The following MAGI1 variants were observed in gnomAD, a reference collection of about 807,000 sequenced individuals.
The protein encoded by MAGI1 is membrane-associated guanylate kinase, WW and PDZ domain-containing protein 1.
Under a neutral mutation model 139.9 loss-of-function variants are expected in MAGI1, and 58 were observed. The observed-to-expected ratio is 0.41, with a 90% CI of 0.34 to 0.52. The LOEUF (loss-of-function observed/expected upper bound fraction) is 0.52. Ranked by LOEUF, MAGI1 falls within the 20% of genes least tolerant of loss-of-function variation. The pLI is 0.12. For synonymous variants in MAGI1, 812 were observed against 737.9 expected (o/e 1.10, Z -1.63); for missense variants, 1,874 against 1,901.6 (o/e 0.99, Z 0.27).
intron 7 of MAGI1, among the ~76,000 whole-genome samples, chr3:65,445,808 T>C (rs1168902848): frequency 6.6e-6 from 1 of 152,190 alleles, no homozygotes; most frequent in African/African-American, 2.4e-5. Context: ...CTGTGTCCAA[T>C]ACCCAAGCCA....
At chr3:65,701,758 G>C (rs1329553837) in intron 1 of MAGI1, among the ~76,000 whole-genome samples, 1 of 151,906 alleles carries the variant, frequency 6.6e-6, no homozygotes, top group Non-Finnish European at 1.5e-5. Context: ...TTTCTTCCTT[G>C]ATGCTCAGAA....
chr3:65,412,735 C>T (rs1235794867), intron 12 of MAGI1, among the ~76,000 whole-genome samples: 1 of 152,084 alleles, frequency 6.6e-6, no homozygotes, highest in African/African-American at 2.4e-5. Context: ...GCTCTTGATC[C>T]TTGGTCTGTT....
In MAGI1 at chr3:65,926,832, C is replaced by T. The variant is rs377504255; in HGVS notation, c.313+111164G>A. On this transcript the variant is annotated intron_variant, in intron 1 of 22. Coordinates refer to ENST00000402939, the MANE Select transcript of MAGI1 (RefSeq NM_001033057.2). ...CAACATGGTGTAACCCCCATCTCTA[C>T]TAAAAGTACAAAATTTGCTGGGCGC... is the stretch of plus-strand genomic sequence containing the variant. Among the ~76,000 whole-genome samples, 32 of 152,246 alleles carry T rather than the reference C, an allele frequency of 2.1e-4. No individual in the cohort carries two copies. The South Asian group carries it at 3.1e-3, about 15-fold the overall frequency.
intron 1 of MAGI1, among the ~76,000 whole-genome samples, chr3:65,802,848 C>CTCTG (rs1553709734): frequency 4.3e-5 from 6 of 138,134 alleles, no homozygotes; most frequent in African/African-American, 2.7e-5. Context: ...ATCATCTCAT[C>CTCTG]TGTGTGTGTG....
chr3:65,363,324 G>C, intron 21 of MAGI1, 141 bp downstream of exon 21: 2 of 993,132 alleles, frequency 2.0e-6, no homozygotes, highest in Non-Finnish European at 1.4e-6. Flanking sequence ...TATTTGGTAG[G>C]GTAGGAGTCA....
At chr3:65,690,771 G>GCCTCCCAATGTGCT (rs1559790310) in intron 1 of MAGI1, among the ~76,000 whole-genome samples, 6 of 150,898 alleles carry the variant, frequency 4.0e-5, no homozygotes, top group East Asian at 2.0e-4. Flanking sequence ...TGGGATTACA[G>GCCTCCCAATGTGCT]GCATGAGCCA....
intron 1 of MAGI1, among the ~76,000 whole-genome samples, chr3:65,818,005 C>T (rs11715483): frequency 0.03 from 4,623 of 151,968 alleles, 110 homozygotes; most frequent in Middle Eastern, 0.051. Flanking sequence ...AGACATAATG[C>T]ATTAACTGCA....
Position 65,782,159 on chromosome 3 carries a change from CAG to C in MAGI1, c.314-160073_314-160072del, listed in dbSNP as rs1228570962. Among the ~76,000 whole-genome samples, 5 of 152,094 alleles carry C rather than the reference CAG, an allele frequency of 3.3e-5. No homozygotes were observed. In the East Asian group the frequency reaches 9.6e-4, roughly 29 times the overall value. On this transcript the variant is annotated intron_variant, in intron 1 of 22. Transcript: ENST00000402939. ...CCAAAGATATCCCCATCCTGCTTCC[CAG>C]AACCTGTGACTATGTTACATGACAA... is the stretch of plus-strand genomic sequence containing the variant.
intron 1 of MAGI1, among the ~76,000 whole-genome samples, chr3:65,714,745 T>G (rs943742065): frequency 1.3e-5 from 2 of 152,110 alleles, no homozygotes; most frequent in African/African-American, 2.4e-5. Context: ...TTCTCTGACA[T>G]CACAGTCTCT....
At chr3:65,442,720 CTGT>C in intron 8 of MAGI1, 69 bp downstream of exon 8, 1 of 1,085,182 alleles carries the variant, frequency 9.2e-7, no homozygotes, top group Non-Finnish European at 1.4e-6. Context: ...TGATGTCAGG[CTGT>C]ACTTAACACA....
Position 65,757,554 on chromosome 3 carries a change from C to T in MAGI1, c.314-135466G>A, listed in dbSNP as rs138938288. On this transcript the variant is annotated intron_variant, in intron 1 of 22. Transcript: ENST00000402939. ...TTGGGAGGCTAAGGCAGGAGAATTGCTTGAACCCAGGAGGCAGAGGTTGCA... is the reference window on the plus strand; with the variant it reads ...TTGGGAGGCTAAGGCAGGAGAATTGTTTGAACCCAGGAGGCAGAGGTTGCA... Among the ~76,000 whole-genome samples the T allele has an allele frequency of 2.1e-3, 324 of 152,294 alleles. 1 individual carries two copies. Among genetic ancestry groups the T allele is most frequent in the Non-Finnish European group, 3.5e-3 (236 of 68,022 alleles).
At chr3:65,640,424 A>C (rs998899548) in intron 1 of MAGI1, among the ~76,000 whole-genome samples, 5 of 152,136 alleles carry the variant, frequency 3.3e-5, no homozygotes, top group African/African-American at 1.2e-4. Flanking sequence ...CTGTTCTAAG[A>C]GCCTCTGATA....
At chr3:65,473,017 C>T (rs1349120276) in intron 4 of MAGI1, among the ~76,000 whole-genome samples, 1 of 152,174 alleles carries the variant, frequency 6.6e-6, no homozygotes, top group Non-Finnish European at 1.5e-5. Flanking sequence ...TGTGTGCCTT[C>T]ACTTGCTTAT....
At chr3:65,569,455 T>C (rs879327441) in intron 2 of MAGI1, among the ~76,000 whole-genome samples, 3 of 152,224 alleles carry the variant, frequency 2.0e-5, no homozygotes, top group Non-Finnish European at 2.9e-5. Context: ...ATTTTACCAC[T>C]ATAAAAAAGA....
intron 1 of MAGI1, among the ~76,000 whole-genome samples, chr3:65,713,972 A>G (rs905347282): frequency 3.9e-5 from 6 of 152,234 alleles, no homozygotes; most frequent in Non-Finnish European, 8.8e-5. Flanking sequence ...CGAAGGGGAC[A>G]TACGAAAAGC....
At chr3:65,690,357 C>T (rs1263314380) in intron 1 of MAGI1, among the ~76,000 whole-genome samples, 1 of 152,160 alleles carries the variant, frequency 6.6e-6, no homozygotes, top group Non-Finnish European at 1.5e-5. Context: ...TTGCTGTAGA[C>T]AGTTGGAGTT....
At chr3:65,974,794 A>G (rs1362300624) in intron 1 of MAGI1, among the ~76,000 whole-genome samples, 4 of 152,190 alleles carry the variant, frequency 2.6e-5, no homozygotes, top group Admixed American at 2.6e-4. Flanking sequence ...GGAAATAGAA[A>G]GGATGACTAG....
chr3:65,860,543 C>G (rs1222398067), intron 1 of MAGI1, among the ~76,000 whole-genome samples: 2 of 152,174 alleles, frequency 1.3e-5, no homozygotes, highest in Non-Finnish European at 2.9e-5. Context: ...AAAAGAGGAA[C>G]AGGTCCTCGG....
chr3:65,850,857 AG>A (rs2059176382), intron 1 of MAGI1, among the ~76,000 whole-genome samples: 1 of 152,162 alleles, frequency 6.6e-6, no homozygotes, highest in African/African-American at 2.4e-5. Flanking sequence ...CTGTAATTCC[AG>A]CACTTTGGGA....
Sources: allele counts gnomAD v4.1 joint callset (sites outside exome capture counted in the v4.1 genomes callset), GRCh38; gene constraint gnomAD v4.1.1; transcripts MANE v1.5; gene names NCBI Gene and HGNC (gene_info 2026-07-23, HGNC 2026-07-21).